The following PARD3 variants were observed in gnomAD, a reference collection of about 807,000 sequenced individuals.
The protein encoded by PARD3 is partitioning defective 3 homolog.
Under a neutral mutation model 155.4 loss-of-function variants are expected in PARD3, and 75 were observed. The ratio of observed to expected loss-of-function variants is 0.48; its 90% CI spans 0.40 to 0.58. The LOEUF is 0.58. Among genes scored for constraint, PARD3 ranks in the 20% least tolerant of loss-of-function variants. PARD3 has a pLI of 0.00. For synonymous variants in PARD3, 576 were observed against 610.5 expected (o/e 0.94, Z 0.83); for missense variants, 1,642 against 1,721.7 (o/e 0.95, Z 0.82).
chr10:34,159,083 C>T (rs192378608), intron 22 of PARD3, among the ~76,000 whole-genome samples: 30 of 152,282 alleles, frequency 2.0e-4, no homozygotes, highest in African/African-American at 6.5e-4. Context: ...AATGTATTCA[C>T]TGGTAATAAA....
chr10:34,212,319 A>G (rs1951792798), intron 22 of PARD3, among the ~76,000 whole-genome samples: 1 of 152,140 alleles, frequency 6.6e-6, no homozygotes, highest in Non-Finnish European at 1.5e-5. Flanking sequence ...TATCTAGGTC[A>G]TTCTTCTGGA....
chr10:34,187,262 T>A (rs1389507520), intron 22 of PARD3, among the ~76,000 whole-genome samples: 2 of 152,186 alleles, frequency 1.3e-5, no homozygotes, highest in Non-Finnish European at 2.9e-5. Flanking sequence ...GCAAGAAGTA[T>A]AACAGAGCAT....
rs550524069 is a variant in PARD3 at position 34,492,663 on chromosome 10, G to C, written c.404-22400C>G. On this transcript the variant is annotated intron_variant, in intron 3 of 24. Transcript: ENST00000374788. ...ATTTTACACCAGCTTTTGTAACCCT[G>C]ATGGCATTTACTCTTATATCCTGAT... Among the ~76,000 whole-genome samples, 4 of 152,280 alleles carry C rather than the reference G, an allele frequency of 2.6e-5. No individual in the cohort carries two copies. In the South Asian group the frequency reaches 8.3e-4, roughly 32 times the overall value.
chr10:34,467,696 A>C (rs1296277856), intron 4 of PARD3, among the ~76,000 whole-genome samples: 1 of 152,150 alleles, frequency 6.6e-6, no homozygotes, highest in Non-Finnish European at 1.5e-5. Context: ...TAGTGAGCTG[A>C]GATTGCACCA....
chr10:34,777,465 C>T (rs192568321), intron 1 of PARD3, among the ~76,000 whole-genome samples: 1 of 152,308 alleles, frequency 6.6e-6, no homozygotes, highest in African/African-American at 2.4e-5. Context: ...TCTCTCTCCC[C>T]GCACAGGGGG....
chr10:34,119,616 G>A lies in PARD3; in HGVS notation c.3665C>T (p.Pro1222Leu). 6.2e-7 allele frequency: 1 copy of A among 1,600,946 alleles called. No homozygotes were observed. Among genetic ancestry groups the A allele is most frequent in the South Asian group, 1.1e-5 (1 of 90,156 alleles). Residue 1222 changes from proline to leucine, a missense_variant, in exon 24 of 25, where the codon CCT becomes CTT. By Grantham distance (98) the Pro-to-Leu change is moderately conservative. Around this residue, in one of 3 missense-constraint regions of PARD3, gnomAD observed 1,529 missense variants for 1,587.3 expected, o/e 0.96. Transcript: ENST00000374788. ...QQAQRQYSSL[P>L]RQSRKNASSV... ...GCTCGGCCAAGCGTCCTCATACCGA[G>A]GCAGAGAGCTGTACTGGCGCTGGGC... is the stretch of plus-strand genomic sequence containing the variant.
At chr10:34,380,547 T>A (rs1841721624) in intron 9 of PARD3, among the ~76,000 whole-genome samples, 1 of 152,164 alleles carries the variant, frequency 6.6e-6, no homozygotes, top group Admixed American at 6.5e-5. Flanking sequence ...AAATTAGATA[T>A]ACTCATTATT....
chr10:34,122,535 T>G (rs1947062514), intron 23 of PARD3, among the ~76,000 whole-genome samples: 1 of 152,188 alleles, frequency 6.6e-6, no homozygotes, highest in Non-Finnish European at 1.5e-5. Context: ...CATACTATCA[T>G]GCTCACCAGG....
At chr10:34,608,566 ACT>A (rs1295573762) in intron 2 of PARD3, among the ~76,000 whole-genome samples, 3 of 136,760 alleles carry the variant, frequency 2.2e-5, no homozygotes, top group Non-Finnish European at 4.5e-5. Context: ...ACGGAATCTC[ACT>A]CTGTCACCCA....
intron 1 of PARD3, among the ~76,000 whole-genome samples, chr10:34,750,263 A>G (rs1395496187): frequency 6.6e-6 from 1 of 152,164 alleles, no homozygotes; most frequent in Non-Finnish European, 1.5e-5. Context: ...AAAACAGAAG[A>G]AGAGAAAAAA....
intron 1 of PARD3, among the ~76,000 whole-genome samples, chr10:34,766,798 C>T (rs113718568): frequency 2.0e-5 from 3 of 152,236 alleles, no homozygotes; most frequent in Non-Finnish European, 2.9e-5. Flanking sequence ...AACGCAGGAA[C>T]GTGGTGTAAG....
At chr10:34,547,778 CAT>C (rs2084213449) in intron 2 of PARD3, among the ~76,000 whole-genome samples, 1 of 152,128 alleles carries the variant, frequency 6.6e-6, no homozygotes, top group African/African-American at 2.4e-5. Context: ...AAGAAAAAAA[CAT>C]ATTTCAGGCA....
chr10:34,495,766 G>T (rs1400599083), intron 3 of PARD3, among the ~76,000 whole-genome samples: 1 of 150,354 alleles, frequency 6.7e-6, no homozygotes, highest in African/African-American at 2.4e-5. Flanking sequence ...TCAGTAAGAA[G>T]AATAATGCAA....
chr10:34,573,735 AAACACACACACACAC>A (rs2086651749), intron 2 of PARD3, among the ~76,000 whole-genome samples: 1 of 12,280 alleles, frequency 8.1e-5, no homozygotes. Context: ...AAACAAACAA[AAACACACACACACAC>A]ACACACACAC....
chr10:34,429,666 A>G (rs1219317891), intron 5 of PARD3, among the ~76,000 whole-genome samples: 1 of 151,582 alleles, frequency 6.6e-6, no homozygotes, highest in African/African-American at 2.4e-5. Flanking sequence ...GTTCACCACA[A>G]CCTCCGCCTC....
intron 1 of PARD3, among the ~76,000 whole-genome samples, chr10:34,699,879 G>A (rs2094242196): frequency 1.3e-5 from 2 of 152,020 alleles, no homozygotes; most frequent in Admixed American, 1.3e-4. Context: ...CGTCTCTTAG[G>A]GGGAAGATAA....
intron 22 of PARD3, among the ~76,000 whole-genome samples, chr10:34,222,124 A>G (rs1024567675): frequency 2.0e-5 from 3 of 152,248 alleles, no homozygotes; most frequent in African/African-American, 7.2e-5. Flanking sequence ...GTAACATTCA[A>G]TAGCAAATTA....
At chr10:34,526,392 A>G (rs973281652) in intron 2 of PARD3, among the ~76,000 whole-genome samples, 1 of 152,204 alleles carries the variant, frequency 6.6e-6, no homozygotes, top group Non-Finnish European at 1.5e-5. Context: ...GTCCCAGGGC[A>G]TGAAAAGCTG....
chr10:34,241,954 T>TA (rs1953626864), intron 22 of PARD3, among the ~76,000 whole-genome samples: 1 of 150,700 alleles, frequency 6.6e-6, no homozygotes, highest in Non-Finnish European at 1.5e-5. Context: ...TGAGTCTCTT[T>TA]TAAAAAAAAA....
Sources: gnomAD v4.1 joint callset for allele counts (sites outside exome capture counted in the v4.1 genomes callset) on GRCh38, gnomAD v4.1.1 for gene constraint, gnomAD v4.1.1 regional missense constraint, MANE v1.5 for transcripts, NCBI Gene and HGNC (gene_info 2026-07-23, HGNC 2026-07-21) for gene names.